OSCAR: variants seen among roughly 807,000 people sequenced by gnomAD.
OSCAR encodes the protein osteoclast associated Ig-like receptor.
Under a neutral mutation model 27.3 loss-of-function variants are expected in OSCAR, and 25 were observed. That is an observed-to-expected ratio of 0.92 (90% confidence interval 0.67 to 1.28). The LOEUF (loss-of-function observed/expected upper bound fraction) is 1.28, where lower values mean the gene tolerates loss of function less well. Ranked by LOEUF, OSCAR falls within the 50% of genes most tolerant of loss-of-function variation. The pLI is 0.00. For missense variants in OSCAR, 354 were observed against 355.1 expected (o/e 1.00, Z 0.03); for synonymous variants, 158 against 165.7 (o/e 0.95, Z 0.36).
intron 2 of OSCAR, 160 bp downstream of exon 2, chr19:54,099,588 A>C: frequency 1.2e-6 from 2 of 1,604,876 alleles, no homozygotes; most frequent in Non-Finnish European, 1.7e-6. Flanking sequence ...TTCAGTACTC[A>C]CCTATAATGG....
intron 1 of OSCAR, among the ~76,000 whole-genome samples, 180 bp downstream of exon 1, chr19:54,100,576 G>A (rs1376394917): frequency 6.6e-6 from 1 of 152,138 alleles, no homozygotes; most frequent in Non-Finnish European, 1.5e-5. Flanking sequence ...TTCCTCTTTC[G>A]GGAATCTGTG....
rs2072791814 is a variant in OSCAR at position 54,097,166 on chromosome 19, T to G, written c.71-2A>C. On this transcript the variant is annotated splice_acceptor_variant, in intron 2 of 4. Coordinates refer to ENST00000358375, the MANE Select transcript of OSCAR (RefSeq NM_133169.6). LOFTEE classifies it high-confidence loss of function. Reference sequence around the variant, plus strand: ...TAGGGTGGTATGAAGCTGGGGGGACTGAATAAACGGGGCTGCCTGGGTCCT... The same window carrying G: ...TAGGGTGGTATGAAGCTGGGGGGACGGAATAAACGGGGCTGCCTGGGTCCT... The G allele has an allele frequency of 2.5e-6, 4 of 1,608,446 alleles. No individual in the cohort carries two copies. Among genetic ancestry groups the G allele is most frequent in the Non-Finnish European group, 3.4e-6 (4 of 1,176,008 alleles).
Position 54,095,893 on chromosome 19 carries a change from C to T in OSCAR, c.634G>A (p.Val212Met), listed in dbSNP as rs2072638718. ...APYVLSQRSE[V>M]LVISWEDSGS... is the part of the protein sequence containing the mutation. ...TCACCTTCCCAGCTGATGACCAGCA[C>T]CTCGCTGCGCTGCGACAGCACGTAG... The change falls in exon 4 of 5, where the codon GTG becomes ATG. Residue 212 changes from valine (V) to methionine (M), a missense_variant. Coordinates refer to ENST00000358375, the MANE Select transcript of OSCAR (RefSeq NM_133169.6). The T allele has an allele frequency of 1.3e-6, 2 of 1,564,342 alleles. No homozygotes were observed. The highest frequency in any genetic ancestry group is 2.4e-5 in the South Asian group (2 of 85,034).
chr19:54,099,585 C>T (rs748905929), intron 2 of OSCAR, 163 bp downstream of exon 2: 1 of 1,602,628 alleles, frequency 6.2e-7, no homozygotes, highest in African/African-American at 1.3e-5. Flanking sequence ...GTCTTCAGTA[C>T]TCACCTATAA....
rs1390582940 is a variant in OSCAR, at chr19:54,094,717, A to C, written c.*504T>G. 2 of 152,774 alleles carry C rather than the reference A, an allele frequency of 1.3e-5. No homozygotes were observed. The highest frequency in any genetic ancestry group is 2.9e-5 in the Non-Finnish European group (2 of 68,522). 9.5% of individuals were successfully genotyped at this position (152,774 alleles called of 1,614,324 possible). On this transcript the variant is annotated 3_prime_UTR_variant, in exon 5 of 5. Transcript: ENST00000358375. ...TAGAGCAAGAGAACAAAGCTCCCAC[A>C]ACGTGGAAGCAGACTCTGGTGGGGT...
intron 2 of OSCAR, among the ~76,000 whole-genome samples, chr19:54,098,879 A>C (rs1434725079): frequency 6.6e-6 from 1 of 150,650 alleles, no homozygotes; most frequent in East Asian, 2.0e-4. Context: ...CCAGCTACTC[A>C]GGAGGCTGAG....
chr19:54,099,067 GTT>G (rs1292679023), intron 2 of OSCAR, among the ~76,000 whole-genome samples: 1 of 150,622 alleles, frequency 6.6e-6, no homozygotes, highest in Non-Finnish European at 1.5e-5. Context: ...TTTTTTGTTT[GTT>G]TGTTTGTTTT....
At chr19:54,099,244 T>TTTTTTTTTTTTTTTTTTTTTGTTTTTG (rs1267618078) in intron 2 of OSCAR, among the ~76,000 whole-genome samples, 3 of 133,196 alleles carry the variant, frequency 2.3e-5, no homozygotes, top group Non-Finnish European at 4.8e-5. Context: ...TTTTTTTTTT[T>TTTTTTTTTTTTTTTTTTTTTGTTTTTG]TTTTTTTTTA....
rs1325018652 is a variant in OSCAR at position 54,096,027 on chromosome 19, G to A, written c.500C>T (p.Ala167Val). ...MSFVLYREGVAAPLQYRHSAQ... is the reference protein window; with the variant it reads ...MSFVLYREGVVAPLQYRHSAQ... ...GGAGTGGCGGTACTGCAGCGGGGCC[G>A]CCACGCCCTCGCGGTACAGCACGAA... The change falls in exon 4 of 5, where the codon GCG becomes GTG. Residue 167 changes from alanine to valine, a missense_variant. By Grantham distance (64) the Ala-to-Val change is moderately conservative. Coordinates refer to ENST00000358375, the MANE Select transcript of OSCAR (RefSeq NM_133169.6). 2.6e-6 allele frequency: 4 copies of A among 1,565,120 alleles called. No individual in the cohort carries two copies. Among genetic ancestry groups the A allele is most frequent in the South Asian group, 1.2e-5 (1 of 86,054 alleles).
At chr19:54,100,544 A>G (rs587650620) in intron 1 of OSCAR, among the ~76,000 whole-genome samples, 373 of 152,254 alleles carry the variant, frequency 2.4e-3, no homozygotes, top group Admixed American at 5.1e-3. Flanking sequence ...CTCAAGAACC[A>G]GAGATACCTG....
intron 2 of OSCAR, 125 bp downstream of exon 2, chr19:54,099,619 AGAAG>A: frequency 6.2e-7 from 1 of 1,613,310 alleles, no homozygotes; most frequent in Non-Finnish European, 8.5e-7. Flanking sequence ...GAATGAGAAA[AGAAG>A]GAAGGAATGG....
At chr19:54,098,863 G>A (rs936283434) in intron 2 of OSCAR, among the ~76,000 whole-genome samples, 1 of 151,246 alleles carries the variant, frequency 6.6e-6, no homozygotes, top group Non-Finnish European at 1.5e-5. Context: ...GTGTGTGCCT[G>A]TAGTCCCAGC....
At chr19:54,098,471 G>A (rs2072864868) in intron 2 of OSCAR, among the ~76,000 whole-genome samples, 1 of 152,214 alleles carries the variant, frequency 6.6e-6, no homozygotes, top group Middle Eastern at 3.4e-3. Context: ...ATGCTGAGTA[G>A]GAGAATTACT....
In OSCAR at chr19:54,095,273, A is replaced by AC. The variant is rs1454916241; in HGVS notation, c.739dup (p.Val247GlyfsTer4). The AC allele has an allele frequency of 6.2e-7, 1 of 1,605,426 alleles. No homozygotes were observed. The highest frequency in any genetic ancestry group is 1.1e-5 in the South Asian group (1 of 89,388). ...GTTCTGACTGCGCCAGTCAAAAGTG[A>AC]CCAGCGCGCCCAGGGAGATGAGGAC... On this transcript the variant is annotated frameshift_variant, in exon 5 of 5. Transcript: ENST00000358375. LOFTEE classifies it high-confidence loss of function.
rs68058053 is a variant in OSCAR, at chr19:54,099,813, C to CTTT, written c.38-36_38-34dup. 30 of 1,426,984 alleles carry CTTT rather than the reference C, an allele frequency of 2.1e-5. No homozygotes were observed. In the African/African-American group the frequency reaches 2.5e-4, roughly 12 times the overall value. 88.4% of individuals were successfully genotyped at this position (1,426,984 alleles called of 1,614,324 possible). A position where few individuals can be genotyped will look rare whatever the true frequency, so the allele number is the denominator to read the frequency against. ...AGGTTGAGGGACTAGTTTCTTTTTC[C>CTTT]TTTTTTTTTTTTTGTCTGAGGCAGA... On this transcript the variant is annotated intron_variant, in intron 1 of 4. Coordinates refer to ENST00000358375, the MANE Select transcript of OSCAR (RefSeq NM_133169.6).
At chr19:54,096,578 C>G (rs1220355728) in intron 3 of OSCAR, among the ~76,000 whole-genome samples, 1 of 137,308 alleles carries the variant, frequency 7.3e-6, no homozygotes, top group Non-Finnish European at 1.6e-5. Flanking sequence ...GCCTGCCTCT[C>G]TCTCTGCCTC....
At position 54,099,229 on chromosome 19, in the gene OSCAR, A is replaced by ATTTTTTTTTTTTT. The variant is rs1228940404; in HGVS notation, c.70+506_70+518dup. Among the ~76,000 whole-genome samples, 16 of 82,420 alleles carry ATTTTTTTTTTTTT rather than the reference A, an allele frequency of 1.9e-4. 1 individual carries two copies. The highest frequency in any genetic ancestry group is 7.0e-4 in the African/African-American group (14 of 20,066). 54.1% of individuals were successfully genotyped at this position (82,420 alleles called of 152,430 possible). A position where few individuals can be genotyped will look rare whatever the true frequency, so the allele number is the denominator to read the frequency against. On this transcript the variant is annotated intron_variant, in intron 2 of 4. Transcript: ENST00000358375. ...AGGTGCGTCCCACCACACCCGGCTA[A>ATTTTTTTTTTTTT]TTTTTTTTTTTTTTTTTTTTTTTTA...
Position 54,095,760 on chromosome 19 carries a change from C to T in OSCAR, c.655+112G>A, listed in dbSNP as rs2072622571. On this transcript the variant is annotated intron_variant, in intron 4 of 4. Transcript: ENST00000358375. ...GAGGAGGGGCTGCAGGACTAGACCC[C>T]TGGGTCTGAAGGAGGAGAGGCTGGG... 3 of 1,496,398 alleles carry T rather than the reference C, an allele frequency of 2.0e-6. No homozygotes were observed. The highest frequency in any genetic ancestry group is 2.7e-6 in the Non-Finnish European group (3 of 1,106,996). 92.7% of individuals were successfully genotyped at this position (1,496,398 alleles called of 1,614,324 possible). A position where few individuals can be genotyped will look rare whatever the true frequency, so the allele number is the denominator to read the frequency against.
In OSCAR at chr19:54,096,925, T is replaced by C. The variant is rs763304986; in HGVS notation, c.310A>G (p.Arg104Gly). The C allele has an allele frequency of 6.2e-7, 1 of 1,614,126 alleles. No individual in the cohort carries two copies. Among genetic ancestry groups the C allele is most frequent in the South Asian group, 1.1e-5 (1 of 91,088 alleles). ...CAGACACCCGGCCCCCAGTCTGGCC[T>C]TCGGTAGCAGCAGCGGTAACTTCCC... ...QGGSYRCCYR[R>G]PDWGPGVWSQ... The change falls in exon 3 of 5, where the codon AGG becomes GGG. Residue 104 changes from arginine to glycine, a missense_variant. Transcript: ENST00000358375.
Sources: gnomAD v4.1 joint callset for allele counts (sites outside exome capture counted in the v4.1 genomes callset) on GRCh38, gnomAD v4.1.1 for gene constraint, MANE v1.5 for transcripts, NCBI Gene and HGNC (gene_info 2026-07-23, HGNC 2026-07-21) for gene names.